Variants in CTNNA2 observed in about 807,000 individuals in gnomAD.
CTNNA2 encodes the protein catenin alpha 2.
Under a neutral mutation model 101.0 loss-of-function variants are expected in CTNNA2, and 42 were observed. That is an observed-to-expected ratio of 0.42 (90% CI 0.32 to 0.54). CTNNA2 has a LOEUF of 0.54. CTNNA2 is among the 20% of genes least tolerant of loss of function. The pLI, the probability that CTNNA2 is intolerant of heterozygous loss-of-function variation, is 0.14. For missense variants in CTNNA2, 871 were observed against 1,223.1 expected, an observed-to-expected ratio of 0.71 and a Z score of 4.29; for synonymous variants, 450 against 456.4, an observed-to-expected ratio of 0.99 and a Z score of 0.18.
chr2:79,331,872 A>G (rs976976732), intron 3 of CTNNA2, among the ~76,000 whole-genome samples: 12 of 152,220 alleles, frequency 7.9e-5, no homozygotes, highest in Non-Finnish European at 1.6e-4. Flanking sequence ...AGAACAAAAT[A>G]CGTAGGTGCT....
intron 2 of CTNNA2, among the ~76,000 whole-genome samples, chr2:79,291,500 G>C (rs745385070): frequency 2.6e-5 from 4 of 152,154 alleles, no homozygotes; most frequent in Non-Finnish European, 4.4e-5. Flanking sequence ...CAAATTGCCA[G>C]GCATCCACTT....
At chr2:79,365,343 C>G (rs1452273459) in intron 3 of CTNNA2, among the ~76,000 whole-genome samples, 1 of 152,010 alleles carries the variant, frequency 6.6e-6, no homozygotes, top group African/African-American at 2.4e-5. Context: ...AAGATAATAG[C>G]CAAGGGTGGT....
chr2:80,103,894 C>A (rs760905925), intron 7 of CTNNA2, among the ~76,000 whole-genome samples: 1 of 152,138 alleles, frequency 6.6e-6, no homozygotes, highest in African/African-American at 2.4e-5. Flanking sequence ...GCCACCATGG[C>A]GGCTAACTTT....
chr2:79,572,950 G>T (rs1181340083), intron 1 of CTNNA2, among the ~76,000 whole-genome samples: 1 of 152,062 alleles, frequency 6.6e-6, no homozygotes, highest in Non-Finnish European at 1.5e-5. Flanking sequence ...TGCTGCCACG[G>T]CCAGAATGTT....
intron 5 of CTNNA2, among the ~76,000 whole-genome samples, chr2:79,872,407 C>G (rs1458718518): frequency 6.6e-6 from 1 of 151,612 alleles, no homozygotes; most frequent in Non-Finnish European, 1.5e-5. Context: ...GTATAGATAC[C>G]CAGGAATGGA....
chr2:79,737,687 A>G (rs990542226), intron 2 of CTNNA2, among the ~76,000 whole-genome samples: 14 of 152,312 alleles, frequency 9.2e-5, no homozygotes, highest in East Asian at 3.9e-4. Flanking sequence ...TAACAAGCCT[A>G]TATAACACTG....
At chr2:79,420,336 G>T (rs574958155) in intron 4 of CTNNA2, among the ~76,000 whole-genome samples, 6 of 152,112 alleles carry the variant, frequency 3.9e-5, no homozygotes, top group African/African-American at 1.4e-4. Flanking sequence ...AGATCGGTTG[G>T]TCAATCATCT....
intron 4 of CTNNA2, among the ~76,000 whole-genome samples, chr2:79,464,453 T>C (rs1445513800): frequency 1.3e-5 from 2 of 152,206 alleles, no homozygotes; most frequent in Non-Finnish European, 2.9e-5. Flanking sequence ...TACGTGGGCA[T>C]GTATCTTTAT....
At chr2:79,693,425 A>T (rs1159553932) in intron 2 of CTNNA2, among the ~76,000 whole-genome samples, 1 of 152,016 alleles carries the variant, frequency 6.6e-6, no homozygotes, top group East Asian at 1.9e-4. Context: ...TTGCTTCATG[A>T]CATACCTATT....
chr2:80,430,251 T>C (rs991708900), intron 9 of CTNNA2, among the ~76,000 whole-genome samples: 1 of 152,176 alleles, frequency 6.6e-6, no homozygotes, highest in Non-Finnish European at 1.5e-5. Context: ...CAATTAACTA[T>C]GTTGTCCCTA....
At chr2:79,936,829 A>G (rs934791985) in intron 7 of CTNNA2, among the ~76,000 whole-genome samples, 7 of 152,170 alleles carry the variant, frequency 4.6e-5, no homozygotes, top group African/African-American at 1.7e-4. Flanking sequence ...GCCTGTGCAG[A>G]TGAAGAGTCT....
chr2:80,109,694 GTT>G (rs1301872491), intron 7 of CTNNA2, among the ~76,000 whole-genome samples: 1 of 152,144 alleles, frequency 6.6e-6, no homozygotes, highest in Non-Finnish European at 1.5e-5. Flanking sequence ...TGTATGTCAA[GTT>G]TTTCTGTGTG....
intron 2 of CTNNA2, among the ~76,000 whole-genome samples, chr2:79,266,055 G>A (rs1028634923): frequency 1.3e-5 from 2 of 152,096 alleles, no homozygotes; most frequent in African/African-American, 2.4e-5. Context: ...AATTTAATCA[G>A]CAAATTAAAT....
At chr2:80,463,370 T>G (rs1838434) in intron 9 of CTNNA2, among the ~76,000 whole-genome samples, 60,826 of 152,038 alleles carry the variant, frequency 0.4, 14,070 homozygotes, top group East Asian at 0.75. Flanking sequence ...TACATTTTAA[T>G]GTATTGGTAG....
intron 4 of CTNNA2, among the ~76,000 whole-genome samples, chr2:79,436,818 AGATGGGGTGTCACCGTTTTAGCCAG>A (rs1181377030): frequency 2.0e-5 from 3 of 151,938 alleles, no homozygotes; most frequent in African/African-American, 7.2e-5. Context: ...TTTTTAGTAG[AGATGGGGTGTCACCGTTTTAGCCAG>A]GATGGTTTCA....
rs1416786249 is a variant in CTNNA2 at position 80,303,452 on chromosome 2, T to C, written c.1057-89759T>C. 6.2e-7 allele frequency: 1 copy of C among 1,614,124 alleles called. No individual in the cohort carries two copies. Among genetic ancestry groups the C allele is most frequent in the Non-Finnish European group, 8.5e-7 (1 of 1,180,058 alleles). On this transcript the variant is annotated intron_variant, in intron 7 of 18. Coordinates refer to ENST00000402739, the MANE Select transcript of CTNNA2 (RefSeq NM_001282597.3). This position sits in a 1 kb window ranked among gnomAD's most constrained non-coding sequence, Gnocchi z 7.7. ...GGTGTTGGGCAGTTGGGTGATCTGG[T>C]TGGAACTCAGCGTGAGTTCCTTAAC...
chr2:79,949,639 A>T (rs574396485), intron 7 of CTNNA2, among the ~76,000 whole-genome samples: 1 of 152,042 alleles, frequency 6.6e-6, no homozygotes, highest in African/African-American at 2.4e-5. Context: ...TTAGGCCAAC[A>T]TTGTGGTACC....
intron 7 of CTNNA2, among the ~76,000 whole-genome samples, chr2:80,292,313 G>A (rs1198274435): frequency 6.6e-6 from 1 of 152,164 alleles, no homozygotes; most frequent in East Asian, 1.9e-4. Context: ...CTGAGGATCA[G>A]AAAGGTTAAT....
intron 3 of CTNNA2, among the ~76,000 whole-genome samples, chr2:79,804,895 G>A (rs192011163): frequency 8.5e-5 from 13 of 152,290 alleles, no homozygotes; most frequent in Admixed American, 7.8e-4. Context: ...AGTAGCACAA[G>A]TGTCAGAGAA....
Sources: allele counts gnomAD v4.1 joint callset (sites outside exome capture counted in the v4.1 genomes callset), GRCh38; gene constraint gnomAD v4.1.1; non-coding constraint Gnocchi (gnomAD v3.1); transcripts MANE v1.5; gene names NCBI Gene and HGNC (gene_info 2026-07-23, HGNC 2026-07-21).